Variants in AFF1 observed in about 807,000 individuals in gnomAD.
The protein encoded by AFF1 is ALF transcription elongation factor 1.
In AFF1, 48 loss-of-function variants were observed where a neutral mutation model predicts 121.7. That is an observed-to-expected ratio of 0.39 (90% confidence interval 0.31 to 0.50). AFF1 has a LOEUF of 0.50. AFF1 is among the 20% of genes least tolerant of loss of function. The probability of loss-of-function intolerance (pLI) is 0.76; values close to 1 mark genes in which losing one functional copy is unlikely to be tolerated. For missense variants in AFF1, 1,523 were observed against 1,511.7 expected, an observed-to-expected ratio of 1.01 and a Z score of -0.12; for synonymous variants, 613 against 563.0, an observed-to-expected ratio of 1.09 and a Z score of -1.26.
chr4:87,048,241 T>G (rs1383158022), intron 4 of AFF1, among the ~76,000 whole-genome samples: 1 of 152,216 alleles, frequency 6.6e-6, no homozygotes, highest in Non-Finnish European at 1.5e-5. Context: ...ACATTTCACT[T>G]GAGAGTGAGT....
chr4:86,971,608 T>G (rs1335103469), intron 2 of AFF1, among the ~76,000 whole-genome samples: 2 of 152,226 alleles, frequency 1.3e-5, no homozygotes, highest in African/African-American at 4.8e-5. Context: ...TATCAGAAGC[T>G]TATCAAAGGT....
At chr4:87,114,280 C>A in intron 11 of AFF1, 87 bp from the exon 12 acceptor site, 2 of 1,200,648 alleles carry the variant, frequency 1.7e-6, no homozygotes, top group Non-Finnish European at 2.3e-6. Context: ...CTCTGCAGGA[C>A]AGTGTTGTAT....
intron 2 of AFF1, among the ~76,000 whole-genome samples, chr4:86,985,163 T>C (rs372845001): frequency 3.3e-5 from 3 of 90,614 alleles, no homozygotes; most frequent in Admixed American, 1.3e-4. Flanking sequence ...AAAAATATAA[T>C]ATATATAATA....
chr4:87,125,957 C>T, intron 13 of AFF1, 142 bp from the exon 14 acceptor site: 1 of 793,174 alleles, frequency 1.3e-6, no homozygotes, highest in Non-Finnish European at 2.1e-6. Flanking sequence ...CTCAAAAAGT[C>T]CCTGAAATTT....
At chr4:87,105,756 C>T in intron 9 of AFF1, 52 bp from the exon 10 acceptor site, 1 of 1,613,696 alleles carries the variant, frequency 6.2e-7, no homozygotes, top group Non-Finnish European at 8.5e-7. Flanking sequence ...CTTGTTCTAA[C>T]CTGTTTTTTG....
intron 4 of AFF1, among the ~76,000 whole-genome samples, chr4:87,069,713 C>CA (rs11461770): frequency 0.5 from 76,191 of 151,450 alleles, 21,000 homozygotes; most frequent in African/African-American, 0.75. Flanking sequence ...GAAAATATAA[C>CA]TTGGAGTTTT....
chr4:86,958,948 T>C (rs1164829603), intron 2 of AFF1, among the ~76,000 whole-genome samples: 2 of 152,216 alleles, frequency 1.3e-5, no homozygotes, highest in Non-Finnish European at 2.9e-5. Context: ...TGTTTCGATA[T>C]AGCAGTAGTT....
Position 87,136,664 on chromosome 4 carries a change from A to T in AFF1, c.*963A>T. 4.3e-6 allele frequency: 1 copy of T among 230,524 alleles called. No homozygotes were observed. Among genetic ancestry groups the T allele is most frequent in the Non-Finnish European group, 8.6e-6 (1 of 116,324 alleles). The allele number at this position is 230,524 out of a possible 1,614,324, so 14.3% of individuals were successfully genotyped here. The stretch of plus-strand genomic sequence containing the variant: ...TAAAGTTTTGTTTAAGTAGAGCTGG[A>T]ATTTGAGGTGCTGATCTGTGGTCTA... On this transcript the variant is annotated 3_prime_UTR_variant, in exon 21 of 21. Transcript: ENST00000395146.
At chr4:86,977,352 G>A (rs1723380068) in intron 2 of AFF1, among the ~76,000 whole-genome samples, 1 of 152,184 alleles carries the variant, frequency 6.6e-6, no homozygotes, top group African/African-American at 2.4e-5. Flanking sequence ...ACACTACTTA[G>A]AATTGTGTGC....
intron 2 of AFF1, among the ~76,000 whole-genome samples, chr4:86,988,302 C>T (rs1443037828): frequency 1.3e-5 from 2 of 152,210 alleles, no homozygotes; most frequent in Non-Finnish European, 2.9e-5. Context: ...ATGTTTTGAA[C>T]CATTAACCAA....
chr4:86,939,846 T>G lies in AFF1; in HGVS notation c.-37+4606T>G, dbSNP rs540029432. Among the ~76,000 whole-genome samples the G allele has an allele frequency of 1.2e-4, 18 of 152,302 alleles. No homozygotes were observed. In the East Asian group the frequency reaches 3.5e-3, roughly 29 times the overall value. On this transcript the variant is annotated intron_variant, in intron 1 of 20. Coordinates refer to ENST00000395146, the MANE Select transcript of AFF1 (RefSeq NM_001166693.3). Reference sequence around the variant, plus strand: ...CAGGTCTAGGGTAATGCCCAAGAATTTGCATGTGTAACATGTTTGTGGCTG... The same window carrying G: ...CAGGTCTAGGGTAATGCCCAAGAATGTGCATGTGTAACATGTTTGTGGCTG...
At chr4:86,943,622 C>T (rs1006876377) in intron 1 of AFF1, among the ~76,000 whole-genome samples, 27 of 152,096 alleles carry the variant, frequency 1.8e-4, no homozygotes, top group African/African-American at 5.6e-4. Context: ...CCAGCATTTT[C>T]GGGACCAGCC....
rs2149811819 is a variant in AFF1, at chr4:87,138,092, G to A, written c.*2391G>A. ...TTTGTCCCTTGAAAAAGTAACAAATGTGCATAGATCAATTTGTACTACTTT... is the reference window on the plus strand; with the variant it reads ...TTTGTCCCTTGAAAAAGTAACAAATATGCATAGATCAATTTGTACTACTTT... On this transcript the variant is annotated 3_prime_UTR_variant, in exon 21 of 21. Coordinates refer to ENST00000395146, the MANE Select transcript of AFF1 (RefSeq NM_001166693.3). The A allele has an allele frequency of 4.4e-6, 1 of 227,482 alleles. No individual in the cohort carries two copies. The highest frequency in any genetic ancestry group is 6.2e-5 in the East Asian group (1 of 16,012). 14.1% of individuals were successfully genotyped at this position (227,482 alleles called of 1,614,324 possible).
At chr4:86,971,351 C>G (rs761509988) in intron 2 of AFF1, among the ~76,000 whole-genome samples, 18 of 152,192 alleles carry the variant, frequency 1.2e-4, no homozygotes, top group Admixed American at 7.2e-4. Flanking sequence ...TGTGACTGAT[C>G]TCAGTCTTCT....
chr4:87,090,105 A>T, intron 6 of AFF1, 35 bp downstream of exon 6: 9 of 1,543,206 alleles, frequency 5.8e-6, no homozygotes, highest in Non-Finnish European at 8.1e-6. Context: ...CATTGCATCC[A>T]CCTTAGTGAA....
intron 12 of AFF1, among the ~76,000 whole-genome samples, chr4:87,118,734 C>T (rs182326708): frequency 6.6e-6 from 1 of 152,320 alleles, no homozygotes; most frequent in East Asian, 1.9e-4. Flanking sequence ...AATCCTACCT[C>T]AGCCTCCCAA....
chr4:87,019,520 T>G (rs1005612386), intron 2 of AFF1, among the ~76,000 whole-genome samples: 1 of 152,242 alleles, frequency 6.6e-6, no homozygotes, highest in African/African-American at 2.4e-5. Context: ...ATACCCTTTT[T>G]GTCCAGTCAC....
At position 87,116,065 on chromosome 4, in the gene AFF1, G is replaced by T. The variant is rs189855257; in HGVS notation, c.2466+766G>T. Among the ~76,000 whole-genome samples, 176 of 152,202 alleles carry T rather than the reference G, an allele frequency of 1.2e-3. 1 individual carries two copies. The highest frequency in any genetic ancestry group is 2.0e-3 in the Non-Finnish European group (134 of 68,016). ...TATACAAATTTTACTCTCATAGTAGGATCTTTTATACCAATATCACATCCA... is the reference window on the plus strand; with the variant it reads ...TATACAAATTTTACTCTCATAGTAGTATCTTTTATACCAATATCACATCCA... On this transcript the variant is annotated intron_variant, in intron 12 of 20. Coordinates refer to ENST00000395146, the MANE Select transcript of AFF1 (RefSeq NM_001166693.3).
intron 2 of AFF1, among the ~76,000 whole-genome samples, chr4:86,996,163 G>T (rs1176723267): frequency 6.7e-6 from 1 of 150,352 alleles, no homozygotes; most frequent in Non-Finnish European, 1.5e-5. Context: ...ACCTCTGCCC[G>T]GCCGCCCCTA....
Sources: allele counts gnomAD v4.1 joint callset (sites outside exome capture counted in the v4.1 genomes callset), GRCh38; gene constraint gnomAD v4.1.1; transcripts MANE v1.5; gene names NCBI Gene and HGNC (gene_info 2026-07-23, HGNC 2026-07-21).